PPM1H: variants seen among roughly 807,000 people sequenced by gnomAD.
The protein encoded by PPM1H is protein phosphatase, Mg2+/Mn2+ dependent 1H.
PPM1H carries 27 observed loss-of-function variants against 54.9 expected under a neutral mutation model. That is an observed-to-expected ratio of 0.49 (90% CI 0.36 to 0.68). The LOEUF is 0.68. Among genes scored for constraint, PPM1H ranks in the 30% least tolerant of loss-of-function variants. PPM1H has a pLI of 0.00. For synonymous variants in PPM1H, 305 were observed against 270.8 expected (o/e 1.13, Z -1.24); for missense variants, 596 against 667.8 (o/e 0.89, Z 1.19).
At chr12:62,765,031 A>G (rs2076533394) in intron 4 of PPM1H, among the ~76,000 whole-genome samples, 1 of 152,150 alleles carries the variant, frequency 6.6e-6, no homozygotes, top group South Asian at 2.1e-4. Flanking sequence ...AAAAGTTCAG[A>G]TGAGCTCAGT....
chr12:62,832,272 T>C lies in PPM1H; in HGVS notation c.253A>G (p.Asn85Asp). The C allele has an allele frequency of 1.9e-6, 3 of 1,610,706 alleles. No individual in the cohort carries two copies. The highest frequency in any genetic ancestry group is 2.5e-6 in the Non-Finnish European group (3 of 1,178,434). ...PWATGYAEVI[N>D]AGKSTHNEDQ... ...TCATTGTGTGTGCTCTTCCCGGCAT[T>C]GATAACCCTGGAGAAGAAGCCGGAA... Residue 85 changes from asparagine to aspartate, a missense_variant, in exon 2 of 10, where the codon AAT becomes GAT. By Grantham distance (23) the Asn-to-Asp change is conservative. Around this residue, in one of 3 missense-constraint regions of PPM1H, gnomAD observed 382 missense variants for 387.1 expected, o/e 0.99. Transcript: ENST00000228705.
At chr12:62,714,244 A>C (rs1350543259) in intron 6 of PPM1H, among the ~76,000 whole-genome samples, 1 of 152,088 alleles carries the variant, frequency 6.6e-6, no homozygotes, top group Admixed American at 6.5e-5. Context: ...TAATTTAGCT[A>C]ATTTAAATGG....
At chr12:62,803,131 TCTC>T (rs2076781841) in intron 2 of PPM1H, among the ~76,000 whole-genome samples, 1 of 152,126 alleles carries the variant, frequency 6.6e-6, no homozygotes, top group Admixed American at 6.5e-5. Context: ...CCAATTCAAA[TCTC>T]CTCTTTATAC....
In PPM1H at chr12:62,685,714, C is replaced by T. The variant is rs575353510; in HGVS notation, c.1245+3985G>A. On this transcript the variant is annotated intron_variant, in intron 8 of 9. Coordinates refer to ENST00000228705, the MANE Select transcript of PPM1H (RefSeq NM_020700.2). ...TAAGTTTTAGAGATCTATTGCATGG[C>T]AGCATGACCACAGTTAATAATAATG... is the stretch of plus-strand genomic sequence containing the variant. Among the ~76,000 whole-genome samples the T allele has an allele frequency of 2.0e-5, 3 of 152,224 alleles. No individual in the cohort carries two copies. The South Asian group carries it at 6.2e-4, about 32-fold the overall frequency.
chr12:62,666,602 A>G (rs995829512), intron 9 of PPM1H, among the ~76,000 whole-genome samples: 1 of 152,238 alleles, frequency 6.6e-6, no homozygotes, highest in African/African-American at 2.4e-5. Flanking sequence ...GCTTAGAGGA[A>G]GTAAAAATGT....
chr12:62,769,014 C>T (rs541805843), intron 4 of PPM1H, among the ~76,000 whole-genome samples: 3 of 152,252 alleles, frequency 2.0e-5, no homozygotes, highest in African/African-American at 7.2e-5. Flanking sequence ...ACCTATACTA[C>T]ACACATTATA....
At chr12:62,659,038 TC>T in intron 9 of PPM1H, 1 of 725,508 alleles carries the variant, frequency 1.4e-6, no homozygotes, top group South Asian at 1.3e-5. Flanking sequence ...CCCAGTGGCT[TC>T]CGGAAGTTCC....
At chr12:62,913,347 G>A (rs546394704) in intron 1 of PPM1H, among the ~76,000 whole-genome samples, 2 of 152,148 alleles carry the variant, frequency 1.3e-5, no homozygotes, top group Non-Finnish European at 2.9e-5. Flanking sequence ...TGGAAGATGC[G>A]CACATTTTCA....
intron 4 of PPM1H, among the ~76,000 whole-genome samples, chr12:62,763,232 C>T (rs768238639): frequency 7.2e-5 from 11 of 152,262 alleles, no homozygotes; most frequent in Admixed American, 2.6e-4. Flanking sequence ...TCAGGCGGAC[C>T]GGGGTTGAGT....
chr12:62,931,005 T>C (rs1872115664), intron 1 of PPM1H, among the ~76,000 whole-genome samples: 1 of 152,178 alleles, frequency 6.6e-6, no homozygotes, highest in Admixed American at 6.5e-5. Context: ...CAACCTCAAG[T>C]CTAGCAGGGA....
chr12:62,671,884 G>A (rs2075958683), intron 8 of PPM1H, among the ~76,000 whole-genome samples: 8 of 152,134 alleles, frequency 5.3e-5, no homozygotes, highest in Admixed American at 5.2e-4. Flanking sequence ...TCCTCTGCAG[G>A]CACAATCCTT....
chr12:62,678,435 T>C (rs2076000048), intron 8 of PPM1H, among the ~76,000 whole-genome samples: 1 of 152,226 alleles, frequency 6.6e-6, no homozygotes, highest in African/African-American at 2.4e-5. Context: ...TGTGTGACCA[T>C]GAATTATTGT....
chr12:62,901,012 A>G (rs1268276266), intron 1 of PPM1H, among the ~76,000 whole-genome samples: 1 of 152,082 alleles, frequency 6.6e-6, no homozygotes, highest in Non-Finnish European at 1.5e-5. Flanking sequence ...TGCCACCACC[A>G]CTTAAACCCA....
At chr12:62,733,411 T>C (rs1438198128) in intron 5 of PPM1H, among the ~76,000 whole-genome samples, 1 of 152,088 alleles carries the variant, frequency 6.6e-6, no homozygotes, top group Admixed American at 6.6e-5. Context: ...CGTGCCACCA[T>C]ACCCAGCTGA....
At chr12:62,766,439 T>G (rs1229107343) in intron 4 of PPM1H, among the ~76,000 whole-genome samples, 1 of 152,014 alleles carries the variant, frequency 6.6e-6, no homozygotes, top group Non-Finnish European at 1.5e-5. Flanking sequence ...ACAAAAAACA[T>G]GTACTGTAAG....
chr12:62,861,393 T>C (rs931865952), intron 1 of PPM1H, among the ~76,000 whole-genome samples: 1 of 152,242 alleles, frequency 6.6e-6, no homozygotes, highest in Non-Finnish European at 1.5e-5. Context: ...ATACTAACAG[T>C]TTCATTTAAA....
intron 7 of PPM1H, among the ~76,000 whole-genome samples, chr12:62,691,785 C>T (rs550320151): frequency 4.1e-5 from 6 of 147,782 alleles, no homozygotes; most frequent in African/African-American, 1.3e-4. Flanking sequence ...ATTGTGCCAC[C>T]GTACTCCAGC....
chr12:62,824,245 A>C (rs1345909123), intron 2 of PPM1H, among the ~76,000 whole-genome samples: 1 of 152,186 alleles, frequency 6.6e-6, no homozygotes, highest in Non-Finnish European at 1.5e-5. Context: ...TCAATGAAAT[A>C]AAAGAGGACA....
chr12:62,815,808 G>C (rs1220827849), intron 2 of PPM1H, among the ~76,000 whole-genome samples: 1 of 152,154 alleles, frequency 6.6e-6, no homozygotes, highest in Non-Finnish European at 1.5e-5. Flanking sequence ...GGCAGAGGCA[G>C]GATTCAAACT....
Sources: allele counts gnomAD v4.1 joint callset (sites outside exome capture counted in the v4.1 genomes callset), GRCh38; gene constraint gnomAD v4.1.1; regional missense constraint gnomAD v4.1.1; transcripts MANE v1.5; gene names NCBI Gene and HGNC (gene_info 2026-07-23, HGNC 2026-07-21).